NCBP1: variants seen among roughly 807,000 people sequenced by gnomAD.
NCBP1 encodes the protein nuclear cap-binding protein subunit 1.
Under a neutral mutation model 111.7 loss-of-function variants are expected in NCBP1, and 16 were observed. The ratio of observed to expected loss-of-function variants is 0.14; its 90% CI spans 0.10 to 0.22. The LOEUF (loss-of-function observed/expected upper bound fraction) is 0.22, where lower values mean the gene tolerates loss of function less well. Ranked by LOEUF, NCBP1 falls within the 10% of genes least tolerant of loss-of-function variation. The pLI is 1.00. For missense variants in NCBP1, 607 were observed against 957.5 expected (o/e 0.63, Z 4.83); for synonymous variants, 304 against 314.3 (o/e 0.97, Z 0.35).
rs1827490052 is a variant in NCBP1 at position 97,651,242 on chromosome 9, T to C, written c.996-68T>C. ...TGCTTATATCTAAACACATTGCTTT[T>C]GAAACTGCTTATTTGACTTTTCTTG... On this transcript the variant is annotated intron_variant, in intron 9 of 22. Transcript: ENST00000375147. The C allele has an allele frequency of 2.2e-6, 3 of 1,357,554 alleles. No individual in the cohort carries two copies. In the South Asian group the frequency reaches 4.1e-5, roughly 19 times the overall value. The allele number at this position is 1,357,554 out of a possible 1,614,324, so 84.1% of individuals were successfully genotyped here. A position where few individuals can be genotyped will look rare whatever the true frequency, so the allele number is the denominator to read the frequency against.
At chr9:97,665,797 T>C (rs1827984044) in intron 19 of NCBP1, among the ~76,000 whole-genome samples, 1 of 137,252 alleles carries the variant, frequency 7.3e-6, no homozygotes, top group South Asian at 2.7e-4. Context: ...ATAGAACTTT[T>C]AACTGCATGG....
chr9:97,651,238 C>A, intron 9 of NCBP1, 72 bp from the exon 10 acceptor site: 1 of 1,294,074 alleles, frequency 7.7e-7, no homozygotes, highest in Non-Finnish European at 1.1e-6. Flanking sequence ...AAACACATTG[C>A]TTTTGAAACT....
chr9:97,635,472 G>T (rs544697853), intron 1 of NCBP1, among the ~76,000 whole-genome samples: 4 of 148,770 alleles, frequency 2.7e-5, no homozygotes, highest in Middle Eastern at 3.4e-3. Context: ...GTGCAGTGGC[G>T]CGATCTCGGC....
chr9:97,640,050 C>T (rs1301298235), intron 1 of NCBP1, among the ~76,000 whole-genome samples: 1 of 152,104 alleles, frequency 6.6e-6, no homozygotes, highest in Non-Finnish European at 1.5e-5. Context: ...CTTTTTTCCA[C>T]CAATTTTTTG....
intron 19 of NCBP1, among the ~76,000 whole-genome samples, chr9:97,665,022 T>C (rs1278081004): frequency 6.6e-6 from 1 of 152,218 alleles, no homozygotes; most frequent in Non-Finnish European, 1.5e-5. Context: ...TTTATGAAGT[T>C]CACGGACTTT....
intron 4 of NCBP1, among the ~76,000 whole-genome samples, chr9:97,643,983 C>T (rs1564019057): frequency 6.6e-6 from 1 of 152,258 alleles, no homozygotes; most frequent in Admixed American, 6.5e-5. Context: ...AGTTCCTTCC[C>T]ATTGTCTACA....
intron 3 of NCBP1, among the ~76,000 whole-genome samples, 165 bp from the exon 4 acceptor site, chr9:97,643,035 ATGTC>A (rs200238622): frequency 0.013 from 1,933 of 152,290 alleles, 25 homozygotes; most frequent in Admixed American, 0.018. Context: ...TTACGGGACT[ATGTC>A]TGTAACATTT....
At position 97,653,789 on chromosome 9, in the gene NCBP1, C is replaced by G. The variant is rs1370135302; in HGVS notation, c.1060-9C>G. 2 of 1,606,216 alleles carry G rather than the reference C, an allele frequency of 1.2e-6. No homozygotes were observed. The highest frequency in any genetic ancestry group is 1.3e-5 in the African/African-American group (1 of 74,684). On this transcript the variant is annotated splice_polypyrimidine_tract_variant and intron_variant, in intron 10 of 22. Transcript: ENST00000375147. The stretch of plus-strand genomic sequence containing the variant: ...TTGGATTGAATTGTGACTCATGATT[C>G]TTTTGTAGGTGATCTTTGCAGAGCT...
chr9:97,634,220 A>T (rs2131324921), intron 1 of NCBP1, among the ~76,000 whole-genome samples: 1 of 152,292 alleles, frequency 6.6e-6, no homozygotes, highest in South Asian at 2.1e-4. Context: ...GGAGCAGGGA[A>T]GCACACCTGT....
chr9:97,634,048 A>G (rs1826916431), intron 1 of NCBP1, 133 bp downstream of exon 1: 2 of 1,158,018 alleles, frequency 1.7e-6, no homozygotes, highest in South Asian at 3.3e-5. Context: ...GGGAAAGAGG[A>G]GAATATGGTG....
intron 19 of NCBP1, among the ~76,000 whole-genome samples, chr9:97,664,726 G>C (rs1827942235): frequency 6.6e-6 from 1 of 152,176 alleles, no homozygotes; most frequent in Non-Finnish European, 1.5e-5. Flanking sequence ...GAGAAAACTA[G>C]CAAGAGCCAG....
At chr9:97,644,933 C>T (rs1827293401) in intron 4 of NCBP1, among the ~76,000 whole-genome samples, 184 bp from the exon 5 acceptor site, 1 of 151,100 alleles carries the variant, frequency 6.6e-6, no homozygotes, top group South Asian at 2.1e-4. Context: ...ATTTTTTTTT[C>T]ACGCATTTAA....
intron 6 of NCBP1, among the ~76,000 whole-genome samples, chr9:97,646,530 A>C (rs1419109638): frequency 6.6e-6 from 1 of 152,104 alleles, no homozygotes; most frequent in Non-Finnish European, 1.5e-5. Context: ...AAGTTAAAAG[A>C]AGCTTAAAAA....
Position 97,668,947 on chromosome 9 carries a change from A to G in NCBP1, c.2118A>G (p.Gln706=). ...AAGTGGAATCTGCTCAGAGTGAACA[A>G]AAGAATCTTTTCCTCGTTATATTTC... ...QEKVESAQSE[Q]KNLFLVIFQR... is the part of the protein sequence containing the mutation. Residue 706 remains glutamine, a synonymous_variant, in exon 21 of 23, where the codon CAA becomes CAG. Coordinates refer to ENST00000375147, the MANE Select transcript of NCBP1 (RefSeq NM_002486.5). The G allele has an allele frequency of 6.2e-7, 1 of 1,612,502 alleles. No individual in the cohort carries two copies. Among genetic ancestry groups the G allele is most frequent in the Non-Finnish European group, 8.5e-7 (1 of 1,179,366 alleles).
intron 6 of NCBP1, 78 bp downstream of exon 6, chr9:97,645,810 A>G: frequency 6.6e-7 from 1 of 1,523,472 alleles, no homozygotes; most frequent in South Asian, 1.2e-5. Context: ...TGAGTTTCTC[A>G]AAAATAAGCT....
At chr9:97,644,598 G>A (rs1039701457) in intron 4 of NCBP1, among the ~76,000 whole-genome samples, 1 of 152,190 alleles carries the variant, frequency 6.6e-6, no homozygotes, top group Non-Finnish European at 1.5e-5. Flanking sequence ...AGCACACTAA[G>A]CACACCCAAT....
At chr9:97,643,855 T>C (rs1014439013) in intron 4 of NCBP1, among the ~76,000 whole-genome samples, 2 of 152,296 alleles carry the variant, frequency 1.3e-5, no homozygotes, top group Non-Finnish European at 2.9e-5. Context: ...TAATAGCCTC[T>C]TAACTGATCT....
At chr9:97,659,636 T>C (rs1827775022) in intron 15 of NCBP1, among the ~76,000 whole-genome samples, 2 of 152,188 alleles carry the variant, frequency 1.3e-5, no homozygotes, top group Non-Finnish European at 2.9e-5. Context: ...ACTAACTGAG[T>C]GGCCATGCTG....
intron 14 of NCBP1, among the ~76,000 whole-genome samples, chr9:97,657,885 G>GCGCTCTCTCTCT (rs1554694967): frequency 2.6e-5 from 3 of 114,028 alleles, no homozygotes; most frequent in African/African-American, 1.1e-4. Flanking sequence ...GCCCCGGTAA[G>GCGCTCTCTCTCT]CTCTCTCTCT....
Sources: gnomAD v4.1 joint callset for allele counts (sites outside exome capture counted in the v4.1 genomes callset) on GRCh38, gnomAD v4.1.1 for gene constraint, MANE v1.5 for transcripts, NCBI Gene and HGNC (gene_info 2026-07-23, HGNC 2026-07-21) for gene names.